The following STK39 variants were observed in gnomAD, a reference collection of about 807,000 sequenced individuals.
STK39 encodes STE20/SPS1-related proline-alanine-rich protein kinase.
A neutral mutation model predicts 77.8 loss-of-function variants in STK39; 20 were observed. That is an observed-to-expected ratio of 0.26 (90% CI 0.18 to 0.37). STK39 has a LOEUF of 0.37. Among genes scored for constraint, STK39 ranks in the 10% least tolerant of loss-of-function variants. The probability of loss-of-function intolerance (pLI) is 1.00; values close to 1 mark genes in which losing one functional copy is unlikely to be tolerated. For missense variants in STK39, 479 were observed against 656.5 expected (o/e 0.73, Z 2.95); for synonymous variants, 246 against 234.1 (o/e 1.05, Z -0.47).
Position 168,108,338 on chromosome 2 carries a change from G to A in STK39, c.1089+21203C>T, listed in dbSNP as rs187942483. 1.2e-3 allele frequency among the ~76,000 whole-genome samples: 189 copies of A among 152,078 alleles called. 1 individual carries two copies. Among genetic ancestry groups the A allele is most frequent in the African/African-American group, 4.2e-3 (173 of 41,490 alleles). ...TGGAATGGGAAGATCGCTTGAGCCC[G>A]GGAGTTCAAGATCAGCCTGGGCAAC... On this transcript the variant is annotated intron_variant, in intron 10 of 17. Transcript: ENST00000355999.
intron 1 of STK39, among the ~76,000 whole-genome samples, chr2:168,223,516 A>T (rs1420219954): frequency 6.6e-6 from 1 of 150,678 alleles, no homozygotes; most frequent in African/African-American, 2.5e-5. Flanking sequence ...GTCTCAAAAA[A>T]AAAAAAAAAA....
At chr2:168,154,516 T>C (rs1295467593) in intron 5 of STK39, among the ~76,000 whole-genome samples, 2 of 152,224 alleles carry the variant, frequency 1.3e-5, no homozygotes, top group Non-Finnish European at 2.9e-5. Context: ...AATCAACATA[T>C]GATACATGCA....
At chr2:168,226,512 C>T (rs1272896771) in intron 1 of STK39, among the ~76,000 whole-genome samples, 1 of 152,192 alleles carries the variant, frequency 6.6e-6, no homozygotes, top group African/African-American at 2.4e-5. Context: ...TTTGCTCATA[C>T]AAATAAACTT....
At chr2:167,991,150 A>T (rs977905911) in intron 16 of STK39, among the ~76,000 whole-genome samples, 1 of 152,246 alleles carries the variant, frequency 6.6e-6, no homozygotes, top group Non-Finnish European at 1.5e-5. Context: ...CATCACAAAA[A>T]TGTTGTAATG....
rs1205086472 is a variant in STK39, at chr2:168,247,067, A to T, written c.208+161T>A. Among the ~76,000 whole-genome samples the T allele has an allele frequency of 1.2e-4, 16 of 132,214 alleles. 1 individual carries two copies. The highest frequency in any genetic ancestry group is 7.2e-4 in the South Asian group (3 of 4,150). 86.7% of individuals were successfully genotyped at this position (132,214 alleles called of 152,430 possible). On this transcript the variant is annotated intron_variant, in intron 1 of 17. Coordinates refer to ENST00000355999, the MANE Select transcript of STK39 (RefSeq NM_013233.3). ...GAACAAATACATTAAAAATTAAAAA[A>T]AAAAAAAAAAAAAAAAAAAAAACTG...
chr2:168,219,283 T>A (rs957391070), intron 1 of STK39, among the ~76,000 whole-genome samples: 3 of 151,456 alleles, frequency 2.0e-5, no homozygotes, highest in South Asian at 4.2e-4. Flanking sequence ...GAGACTCTTG[T>A]TTCAAAAAAA....
chr2:168,028,720 A>C lies in STK39; in HGVS notation c.1377-11625T>G, dbSNP rs75694607. Among the ~76,000 whole-genome samples, 1,375 of 152,282 alleles carry C rather than the reference A, an allele frequency of 9.0e-3. 60 individuals are homozygous for C. Among genetic ancestry groups the C allele is most frequent in the Admixed American group, 0.077 (1,181 of 15,300 alleles). The stretch of plus-strand genomic sequence containing the variant: ...TAACATTATTTGTGCCTTTAAGTTT[A>C]GGGTGTGGTGGGTTTTACTGCAGAG... On this transcript the variant is annotated intron_variant, in intron 14 of 17. Coordinates refer to ENST00000355999, the MANE Select transcript of STK39 (RefSeq NM_013233.3).
rs767460959 is a variant in STK39, at chr2:168,181,946, A to C, written c.321+32T>G. ...CATATACCCATAGATTAAGAAAAGC[A>C]ACCAGCAGGTATTCCCTGCACTGTT... On this transcript the variant is annotated intron_variant, in intron 2 of 17. Transcript: ENST00000355999. The C allele has an allele frequency of 2.5e-6, 4 of 1,591,164 alleles. No homozygotes were observed. The Admixed American group carries it at 6.7e-5, about 27-fold the overall frequency.
chr2:168,144,824 A>G (rs1688091504), intron 5 of STK39, among the ~76,000 whole-genome samples: 1 of 151,988 alleles, frequency 6.6e-6, no homozygotes, highest in Non-Finnish European at 1.5e-5. Context: ...GTCGGGCATG[A>G]TAGTTCATTA....
intron 16 of STK39, among the ~76,000 whole-genome samples, chr2:167,979,785 C>A (rs996931564): frequency 1.3e-5 from 2 of 152,150 alleles, no homozygotes. Flanking sequence ...ATGTGTAGGT[C>A]ATGAGTTTGA....
intron 10 of STK39, among the ~76,000 whole-genome samples, chr2:168,090,524 A>T (rs1300523615): frequency 6.6e-6 from 1 of 152,228 alleles, no homozygotes; most frequent in African/African-American, 2.4e-5. Flanking sequence ...CCCCATATCC[A>T]ACATAACTGA....
intron 10 of STK39, among the ~76,000 whole-genome samples, chr2:168,106,766 G>A (rs1357465931): frequency 6.6e-6 from 1 of 152,126 alleles, no homozygotes; most frequent in Non-Finnish European, 1.5e-5. Flanking sequence ...AGGCTGCAGT[G>A]AGCCATGTTC....
intron 1 of STK39, among the ~76,000 whole-genome samples, chr2:168,192,939 T>C (rs1689376516): frequency 6.6e-6 from 1 of 152,098 alleles, no homozygotes; most frequent in South Asian, 2.1e-4. Context: ...ACTCCCCCTC[T>C]TCAAATCCCA....
chr2:168,247,498 C>CT lies in STK39; in HGVS notation c.-64dup. The CT allele has an allele frequency of 8.3e-7, 1 of 1,211,970 alleles. No homozygotes were observed. The highest frequency in any genetic ancestry group is 1.0e-6 in the Non-Finnish European group (1 of 960,342). The allele number at this position is 1,211,970 out of a possible 1,614,324, so 75.1% of individuals were successfully genotyped here. A position where few individuals can be genotyped will look rare whatever the true frequency, so the allele number is the denominator to read the frequency against. On this transcript the variant is annotated 5_prime_UTR_variant, in exon 1 of 18. Coordinates refer to ENST00000355999, the MANE Select transcript of STK39 (RefSeq NM_013233.3). ...CGGACGACCTTCCACTTGAAACTTCCTTTGCCTCGCCGCCGACACCTCTCG... is the reference window on the plus strand; with the variant it reads ...CGGACGACCTTCCACTTGAAACTTCCTTTTGCCTCGCCGCCGACACCTCTCG...
intron 5 of STK39, among the ~76,000 whole-genome samples, chr2:168,144,110 G>T (rs1161249545): frequency 6.6e-6 from 1 of 152,160 alleles, no homozygotes; most frequent in African/African-American, 2.4e-5. Context: ...AAGCCTTGAG[G>T]AGGATCTGCA....
intron 16 of STK39, among the ~76,000 whole-genome samples, chr2:167,979,215 A>G (rs1683355507): frequency 6.6e-6 from 1 of 152,208 alleles, no homozygotes; most frequent in Admixed American, 6.5e-5. Flanking sequence ...GCTGGATCAC[A>G]TGATAGAAGT....
chr2:168,110,430 G>T (rs1687091948), intron 10 of STK39, among the ~76,000 whole-genome samples: 1 of 151,964 alleles, frequency 6.6e-6, no homozygotes, highest in African/African-American at 2.4e-5. Context: ...TAGAGATGCG[G>T]TCTCGCTATG....
At chr2:168,188,888 A>G (rs1689271937) in intron 1 of STK39, among the ~76,000 whole-genome samples, 1 of 152,152 alleles carries the variant, frequency 6.6e-6, no homozygotes, top group African/African-American at 2.4e-5. Flanking sequence ...CTGTCTGGAT[A>G]ACAGTGCACA....
intron 16 of STK39, among the ~76,000 whole-genome samples, chr2:168,011,726 C>CA: frequency 6.6e-6 from 1 of 152,160 alleles, no homozygotes; most frequent in East Asian, 1.9e-4. Context: ...TATCTCCGTG[C>CA]AGCTATCTTA....
Sources: allele counts gnomAD v4.1 joint callset (sites outside exome capture counted in the v4.1 genomes callset), GRCh38; gene constraint gnomAD v4.1.1; transcripts MANE v1.5; gene names NCBI Gene and HGNC (gene_info 2026-07-23, HGNC 2026-07-21).